Variants in RNF180 observed in about 807,000 individuals in gnomAD.
RNF180 encodes the protein ring finger protein 180.
In RNF180, 38 loss-of-function variants were observed where a neutral mutation model predicts 59.2. The ratio of observed to expected loss-of-function variants is 0.64; its 90% CI spans 0.50 to 0.84. RNF180 has a LOEUF of 0.84. Among genes scored for constraint, RNF180 ranks in the 40% least tolerant of loss-of-function variants. RNF180 has a pLI of 0.00. For missense variants in RNF180, 705 were observed against 700.9 expected (o/e 1.01, Z -0.07); for synonymous variants, 262 against 240.3 (o/e 1.09, Z -0.84).
chr5:64,337,528 TAA>T lies in RNF180; in HGVS notation c.1579+7123_1579+7124del, dbSNP rs1745182635. Reference sequence around the variant, plus strand: ...ATCTTTTTTATTTTTTATTATACTTTAAGTTTTAGGGTACATGTGCACAATGT... The same window carrying T: ...ATCTTTTTTATTTTTTATTATACTTTGTTTTAGGGTACATGTGCACAATGT... On this transcript the variant is annotated intron_variant, in intron 7 of 7. Transcript: ENST00000389100. Among the ~76,000 whole-genome samples the T allele has an allele frequency of 3.3e-5, 5 of 152,186 alleles. No homozygotes were observed. The South Asian group carries it at 1.0e-3, about 31-fold the overall frequency.
chr5:64,240,088 GA>G (rs1742707908), intron 5 of RNF180, among the ~76,000 whole-genome samples: 2 of 152,184 alleles, frequency 1.3e-5, no homozygotes, highest in South Asian at 4.2e-4. Context: ...AAATAGATTT[GA>G]ATAGGAAGGG....
At position 64,165,862 on chromosome 5, in the gene RNF180, C is replaced by G. The variant is rs971276893; in HGVS notation, c.-92C>G. The G allele has an allele frequency of 2.0e-5, 3 of 152,262 alleles. No individual in the cohort carries two copies. The highest frequency in any genetic ancestry group is 2.9e-5 in the Non-Finnish European group (2 of 68,100). 9.4% of individuals were successfully genotyped at this position (152,262 alleles called of 1,614,324 possible). A position where few individuals can be genotyped will look rare whatever the true frequency, so the allele number is the denominator to read the frequency against. On this transcript the variant is annotated 5_prime_UTR_variant, in exon 1 of 8. Coordinates refer to ENST00000389100, the MANE Select transcript of RNF180 (RefSeq NM_001113561.2). The stretch of plus-strand genomic sequence containing the variant: ...CTCGCCGAACCGGCATCGCCGCCGC[C>G]GGAGCCGCAGCGAGTCCTCAGAGCC...
At chr5:64,255,203 C>CT (rs1425360752) in intron 5 of RNF180, among the ~76,000 whole-genome samples, 1 of 151,946 alleles carries the variant, frequency 6.6e-6, no homozygotes, top group East Asian at 1.9e-4. Context: ...TGAACACTTT[C>CT]TTTTTTTATT....
intron 5 of RNF180, among the ~76,000 whole-genome samples, chr5:64,264,498 G>C (rs548111501): frequency 1.3e-5 from 2 of 152,082 alleles, no homozygotes; most frequent in Admixed American, 1.3e-4. Context: ...TTCTGTTCCT[G>C]TGTTAGTTTG....
At chr5:64,166,260 AG>A (rs1749630975) in intron 1 of RNF180, 1 of 152,742 alleles carries the variant, frequency 6.5e-6, no homozygotes, top group African/African-American at 2.4e-5. Flanking sequence ...GAGGCGCTGT[AG>A]GTGTGGCGGA....
intron 1 of RNF180, among the ~76,000 whole-genome samples, chr5:64,170,074 C>T (rs918357067): frequency 1.3e-5 from 2 of 152,194 alleles, no homozygotes; most frequent in African/African-American, 4.8e-5. Flanking sequence ...CTCTACCTGT[C>T]AAGGCATGAG....
chr5:64,194,182 G>T (rs1325226470), intron 1 of RNF180, among the ~76,000 whole-genome samples: 1 of 152,094 alleles, frequency 6.6e-6, no homozygotes, highest in Non-Finnish European at 1.5e-5. Context: ...AGTCCCCGGT[G>T]TGTGATGTTC....
chr5:64,337,874 ATG>A (rs1745197906), intron 7 of RNF180, among the ~76,000 whole-genome samples: 1 of 152,066 alleles, frequency 6.6e-6, no homozygotes, highest in African/African-American at 2.4e-5. Context: ...CATGGTGTAT[ATG>A]TGCCACATTT....
chr5:64,305,068 G>C (rs1046873357), intron 5 of RNF180, among the ~76,000 whole-genome samples: 1 of 151,636 alleles, frequency 6.6e-6, no homozygotes, highest in African/African-American at 2.4e-5. Context: ...ATGTACATTA[G>C]TTTTGTAAGC....
intron 1 of RNF180, among the ~76,000 whole-genome samples, chr5:64,174,959 C>CTTTTTTTTTTTTTTT (rs370660214): frequency 2.4e-5 from 2 of 84,756 alleles, no homozygotes; most frequent in African/African-American, 9.9e-5. Flanking sequence ...TAATCCAGTT[C>CTTTTTTTTTTTTTTT]TTTTTTTTTT....
chr5:64,269,939 A>G (rs1400360000), intron 5 of RNF180, among the ~76,000 whole-genome samples: 1 of 152,044 alleles, frequency 6.6e-6, no homozygotes, highest in African/African-American at 2.4e-5. Context: ...CCTGGCTGAA[A>G]TCCATGGGCC....
intron 2 of RNF180, among the ~76,000 whole-genome samples, chr5:64,208,154 A>T (rs1179258851): frequency 6.6e-6 from 1 of 152,098 alleles, no homozygotes; most frequent in Non-Finnish European, 1.5e-5. Flanking sequence ...TAAAGAAAAA[A>T]TTAAAATAAT....
chr5:64,293,436 A>G (rs1294145208), intron 5 of RNF180, among the ~76,000 whole-genome samples: 2 of 152,000 alleles, frequency 1.3e-5, no homozygotes, highest in African/African-American at 4.8e-5. Flanking sequence ...CCCTCCTATG[A>G]TTGAAACTCT....
At position 64,228,435 on chromosome 5, in the gene RNF180, G is replaced by A. The variant is rs770644127; in HGVS notation, c.1227+11039G>A. ...AGGATGAGGTGGGAGGATCGCTTGAGTCCGGGAGGTTGAGACTGCAGTAAG... is the reference window on the plus strand; with the variant it reads ...AGGATGAGGTGGGAGGATCGCTTGAATCCGGGAGGTTGAGACTGCAGTAAG... On this transcript the variant is annotated intron_variant, in intron 5 of 7. Transcript: ENST00000389100. 3.9e-5 allele frequency among the ~76,000 whole-genome samples: 6 copies of A among 152,278 alleles called. 1 individual carries two copies. The highest frequency in any genetic ancestry group is 3.4e-3 in the Middle Eastern group (1 of 294).
chr5:64,194,636 TC>T (rs1751361788), intron 1 of RNF180, among the ~76,000 whole-genome samples: 1 of 152,218 alleles, frequency 6.6e-6, no homozygotes, highest in Non-Finnish European at 1.5e-5. Flanking sequence ...GTAAAAGTGT[TC>T]CTATTTCTCC....
At chr5:64,192,246 A>G (rs572915064) in intron 1 of RNF180, among the ~76,000 whole-genome samples, 1 of 151,992 alleles carries the variant, frequency 6.6e-6, no homozygotes, top group African/African-American at 2.4e-5. Context: ...AGGGAAAGGC[A>G]GTTCAGAATT....
At chr5:64,250,830 G>T (rs968322691) in intron 5 of RNF180, among the ~76,000 whole-genome samples, 2 of 152,118 alleles carry the variant, frequency 1.3e-5, no homozygotes, top group African/African-American at 4.8e-5. Context: ...AATTGAAGAG[G>T]AGGGAATACT....
intron 1 of RNF180, among the ~76,000 whole-genome samples, chr5:64,182,897 T>C (rs1030474495): frequency 5.9e-5 from 9 of 152,116 alleles, no homozygotes; most frequent in Admixed American, 5.2e-4. Context: ...TAAAGGAGAG[T>C]ACTTCCGATG....
At chr5:64,226,354 A>G (rs1194397843) in intron 5 of RNF180, among the ~76,000 whole-genome samples, 2 of 152,204 alleles carry the variant, frequency 1.3e-5, no homozygotes, top group Non-Finnish European at 2.9e-5. Context: ...GTTGATCTAT[A>G]ACCTTACCCC....
Sources: gnomAD v4.1 joint callset for allele counts (sites outside exome capture counted in the v4.1 genomes callset) on GRCh38, gnomAD v4.1.1 for gene constraint, MANE v1.5 for transcripts, NCBI Gene and HGNC (gene_info 2026-07-23, HGNC 2026-07-21) for gene names.